Variants in ELAVL2 observed in about 807,000 individuals in gnomAD.
ELAVL2 encodes the protein ELAV-like protein 2.
A neutral mutation model predicts 34.6 loss-of-function variants in ELAVL2; 4 were observed. The observed-to-expected ratio is 0.12, with a 90% CI of 0.06 to 0.26. The LOEUF (loss-of-function observed/expected upper bound fraction) is 0.26, where lower values mean the gene tolerates loss of function less well. ELAVL2 is among the 10% of genes least tolerant of loss of function. The pLI is 1.00. For synonymous variants in ELAVL2, 193 were observed against 154.8 expected (o/e 1.25, Z -1.83); for missense variants, 432 against 442.8 (o/e 0.98, Z 0.22).
rs116603028 is a variant in ELAVL2, at chr9:23,727,832, T to C, written c.333+3190A>G. On this transcript the variant is annotated intron_variant, in intron 3 of 6. Transcript: ENST00000397312. Reference sequence around the variant, plus strand: ...CACCAACTACTGCACAAAACCCTACTGAGCTAATGCTATTAGGGAGCCCCA... The same window carrying C: ...CACCAACTACTGCACAAAACCCTACCGAGCTAATGCTATTAGGGAGCCCCA... Among the ~76,000 whole-genome samples, 343 of 152,174 alleles carry C rather than the reference T, an allele frequency of 2.3e-3. 2 individuals are homozygous for C. The highest frequency in any genetic ancestry group is 7.9e-3 in the African/African-American group (329 of 41,542).
At chr9:23,759,221 G>A (rs1345662452) in intron 2 of ELAVL2, among the ~76,000 whole-genome samples, 1 of 151,962 alleles carries the variant, frequency 6.6e-6, no homozygotes, top group Non-Finnish European at 1.5e-5. Context: ...TATACAAAAT[G>A]AAATACCATT....
intron 4 of ELAVL2, among the ~76,000 whole-genome samples, chr9:23,703,831 G>A (rs567419180): frequency 1.3e-5 from 2 of 152,242 alleles, no homozygotes; most frequent in Non-Finnish European, 1.5e-5. Context: ...TCATGTGGCT[G>A]CTTCAGTCTA....
chr9:23,704,898 C>T lies in ELAVL2; in HGVS notation c.487+20G>A, dbSNP rs1046793464. 20 of 1,613,080 alleles carry T rather than the reference C, an allele frequency of 1.2e-5. No individual in the cohort carries two copies. Among genetic ancestry groups the T allele is most frequent in the Non-Finnish European group, 1.1e-5 (13 of 1,179,494 alleles). On this transcript the variant is annotated intron_variant, in intron 4 of 6. Transcript: ENST00000397312. ...TAGTCAGAGACAGGGAAAGACTGTC[C>T]GGAGTGGCTGTCTACTTACCAGTGA...
chr9:23,828,200 C>G (rs1040968241), upstream of ELAVL2, among the ~76,000 whole-genome samples: 1 of 152,142 alleles, frequency 6.6e-6, no homozygotes, highest in African/African-American at 2.4e-5. Context: ...AGAGAAATAA[C>G]CTTTAAATGA....
At chr9:23,728,709 A>C (rs10966048) in intron 3 of ELAVL2, among the ~76,000 whole-genome samples, 7,537 of 152,186 alleles carry the variant, frequency 0.05, 267 homozygotes, top group East Asian at 0.14. Context: ...ATACTAGAAA[A>C]ACTTGGCTCA....
At chr9:23,781,827 G>A (rs770199820) in intron 1 of ELAVL2, among the ~76,000 whole-genome samples, 1 of 152,004 alleles carries the variant, frequency 6.6e-6, no homozygotes, top group Non-Finnish European at 1.5e-5. Context: ...CTGAGTAGCC[G>A]GCAACCGCCA....
intron 1 of ELAVL2, among the ~76,000 whole-genome samples, chr9:23,787,014 T>C (rs1009806228): frequency 4.1e-4 from 62 of 152,236 alleles, no homozygotes; most frequent in African/African-American, 1.4e-3. Flanking sequence ...ACTGAGGAAC[T>C]TGGACCTGTA....
At chr9:23,848,594 G>T in the ELAVL2 span, among the ~76,000 whole-genome samples, 1 of 152,108 alleles carries the variant, frequency 6.6e-6, no homozygotes, top group South Asian at 2.1e-4. Context: ...TAAGTCAGTT[G>T]TTAAAAATAA....
intron 2 of ELAVL2, among the ~76,000 whole-genome samples, chr9:23,760,997 C>T (rs1284370868): frequency 6.6e-6 from 1 of 151,922 alleles, no homozygotes; most frequent in Admixed American, 6.6e-5. Context: ...TTTTCTCTGC[C>T]TTTTACCTTA....
At chr9:23,786,456 G>A (rs2059692411) in intron 1 of ELAVL2, among the ~76,000 whole-genome samples, 2 of 151,866 alleles carry the variant, frequency 1.3e-5, no homozygotes, top group South Asian at 4.1e-4. Flanking sequence ...GGTGATTACT[G>A]ACATATCAGA....
chr9:23,699,070 G>A (rs908543072), intron 5 of ELAVL2, among the ~76,000 whole-genome samples: 20 of 152,224 alleles, frequency 1.3e-4, no homozygotes, highest in Admixed American at 6.5e-5. Context: ...CTTTCTATAG[G>A]AGTGAAGGAA....
intron 1 of ELAVL2, among the ~76,000 whole-genome samples, chr9:23,769,340 G>A (rs1781366659): frequency 6.6e-6 from 1 of 152,144 alleles, no homozygotes; most frequent in Non-Finnish European, 1.5e-5. Context: ...AGCTGGGTAG[G>A]CAGTCAAAGG....
chr9:23,788,380 A>G (rs2059945543), intron 1 of ELAVL2, among the ~76,000 whole-genome samples: 2 of 152,196 alleles, frequency 1.3e-5, no homozygotes, highest in Admixed American at 6.5e-5. Context: ...GAATAAATAT[A>G]TGAGATATGG....
intron 1 of ELAVL2, among the ~76,000 whole-genome samples, chr9:23,797,245 G>T (rs1033532440): frequency 1.3e-5 from 2 of 152,180 alleles, no homozygotes; most frequent in Admixed American, 6.5e-5. Context: ...CTGTTTAAAA[G>T]AAAAACACAG....
chr9:23,699,746 G>A (rs2036489322), intron 5 of ELAVL2, among the ~76,000 whole-genome samples: 1 of 147,530 alleles, frequency 6.8e-6, no homozygotes, highest in East Asian at 2.1e-4. Context: ...GCAAGCATCA[G>A]GCAGCCCCAC....
At chr9:23,721,404 C>A (rs1428767070) in intron 3 of ELAVL2, among the ~76,000 whole-genome samples, 1 of 152,210 alleles carries the variant, frequency 6.6e-6, no homozygotes, top group South Asian at 2.1e-4. Flanking sequence ...AAACTAGAAA[C>A]TGAAACTTTT....
At chr9:23,841,676 G>A in the ELAVL2 span, among the ~76,000 whole-genome samples, 1 of 152,204 alleles carries the variant, frequency 6.6e-6, no homozygotes, top group Non-Finnish European at 1.5e-5. Flanking sequence ...GAGTTGGAAT[G>A]CCCAGATTCT....
intron 2 of ELAVL2, among the ~76,000 whole-genome samples, chr9:23,753,702 C>T (rs186299392): frequency 5.3e-5 from 8 of 152,196 alleles, no homozygotes; most frequent in East Asian, 1.9e-4. Context: ...ATCATTCCTA[C>T]GACAAGCGCT....
chr9:23,764,538 G>C (rs1354728986), intron 1 of ELAVL2, among the ~76,000 whole-genome samples: 1 of 152,024 alleles, frequency 6.6e-6, no homozygotes, highest in Non-Finnish European at 1.5e-5. Context: ...CAACACAACT[G>C]TTCACAGAAT....
Sources: allele counts gnomAD v4.1 joint callset (sites outside exome capture counted in the v4.1 genomes callset), GRCh38; gene constraint gnomAD v4.1.1; transcripts MANE v1.5; gene names NCBI Gene and HGNC (gene_info 2026-07-23, HGNC 2026-07-21).